The following XYLT1 variants were observed in gnomAD, a reference collection of about 807,000 sequenced individuals.
The protein encoded by XYLT1 is xylosyltransferase 1, also known as beta-D-xylosyltransferase 1.
A neutral mutation model predicts 91.3 loss-of-function variants in XYLT1; 36 were observed. The observed-to-expected ratio is 0.39, with a 90% confidence interval of 0.30 to 0.52. The LOEUF (loss-of-function observed/expected upper bound fraction) is 0.52, where lower values mean the gene tolerates loss of function less well. Among genes scored for constraint, XYLT1 ranks in the 20% least tolerant of loss-of-function variants. The probability of loss-of-function intolerance (pLI) is 0.68; values close to 1 mark genes in which losing one functional copy is unlikely to be tolerated. For missense variants in XYLT1, 1,242 were observed against 1,284.5 expected (o/e 0.97, Z 0.51); for synonymous variants, 588 against 532.0 (o/e 1.11, Z -1.45).
intron 3 of XYLT1, among the ~76,000 whole-genome samples, chr16:17,203,678 C>T (rs1440065187): frequency 6.6e-6 from 1 of 152,186 alleles, no homozygotes; most frequent in Non-Finnish European, 1.5e-5. Flanking sequence ...ATCCATACAT[C>T]CATTTATTCA....
At position 17,131,856 on chromosome 16, in the gene XYLT1, T is replaced by G. The variant is rs553642262; in HGVS notation, c.2027+2617A>C. Among the ~76,000 whole-genome samples, 11 of 152,336 alleles carry G rather than the reference T, an allele frequency of 7.2e-5. No individual in the cohort carries two copies. In the South Asian group the frequency reaches 1.9e-3, roughly 26 times the overall value. ...TAGGAATCCATTCTCTTCTGCCTTT[T>G]GGGATAAGGGTCTTTTGTCCTGATT... On this transcript the variant is annotated intron_variant, in intron 9 of 11. Coordinates refer to ENST00000261381, the MANE Select transcript of XYLT1 (RefSeq NM_022166.4).
intron 1 of XYLT1, among the ~76,000 whole-genome samples, chr16:17,455,282 T>C (rs1381996486): frequency 6.6e-6 from 1 of 152,160 alleles, no homozygotes; most frequent in Non-Finnish European, 1.5e-5. Flanking sequence ...TCTGCATTCT[T>C]TCTCATGCAT....
intron 2 of XYLT1, among the ~76,000 whole-genome samples, chr16:17,349,675 G>A (rs530884797): frequency 6.6e-6 from 1 of 150,792 alleles, no homozygotes; most frequent in Admixed American, 6.6e-5. Flanking sequence ...GGGGATGACA[G>A]TAATACTTCC....
intron 1 of XYLT1, among the ~76,000 whole-genome samples, chr16:17,371,097 G>A (rs2035526402): frequency 1.3e-5 from 2 of 152,200 alleles, no homozygotes; most frequent in African/African-American, 4.8e-5. Flanking sequence ...TAACGTGGCT[G>A]CAAAGTCCAA....
intron 3 of XYLT1, among the ~76,000 whole-genome samples, chr16:17,237,504 C>T (rs1351759422): frequency 6.6e-6 from 1 of 152,100 alleles, no homozygotes; most frequent in African/African-American, 2.4e-5. Context: ...TTTTTCAGAA[C>T]CTTTCTCATG....
intron 1 of XYLT1, among the ~76,000 whole-genome samples, chr16:17,379,952 C>T (rs2035658913): frequency 1.3e-5 from 2 of 152,242 alleles, no homozygotes; most frequent in South Asian, 2.1e-4. Flanking sequence ...GAAATATGCA[C>T]TTTTGTCTCC....
chr16:17,383,751 T>C (rs1355833520), intron 1 of XYLT1, among the ~76,000 whole-genome samples: 1 of 144,376 alleles, frequency 6.9e-6, no homozygotes. Context: ...AGTGGAATTT[T>C]CTTTTTTTTT....
intron 2 of XYLT1, among the ~76,000 whole-genome samples, chr16:17,287,528 A>C (rs1170290971): frequency 6.6e-6 from 1 of 152,150 alleles, no homozygotes; most frequent in Non-Finnish European, 1.5e-5. Flanking sequence ...GCCACTTCAC[A>C]CAGTGACCTT....
intron 6 of XYLT1, among the ~76,000 whole-genome samples, chr16:17,142,868 C>G (rs1471774488): frequency 6.6e-6 from 1 of 152,146 alleles, no homozygotes; most frequent in African/African-American, 2.4e-5. Flanking sequence ...ACTGCTAATA[C>G]TACTGTGATT....
intron 10 of XYLT1, among the ~76,000 whole-genome samples, chr16:17,119,549 GT>G (rs2029974633): frequency 6.6e-6 from 1 of 152,170 alleles, no homozygotes; most frequent in African/African-American, 2.4e-5. Context: ...GCTTCTCATT[GT>G]TCTTGCAAGA....
At chr16:17,252,853 C>T (rs2033563130) in intron 3 of XYLT1, among the ~76,000 whole-genome samples, 1 of 152,182 alleles carries the variant, frequency 6.6e-6, no homozygotes, top group African/African-American at 2.4e-5. Flanking sequence ...TAATTATATT[C>T]AACTTCCAGC....
At position 17,312,131 on chromosome 16, in the gene XYLT1, G is replaced by A. The variant is rs138386310; in HGVS notation, c.402+45881C>T. Among the ~76,000 whole-genome samples, 539 of 152,260 alleles carry A rather than the reference G, an allele frequency of 3.5e-3. 8 individuals are homozygous for A. The highest frequency in any genetic ancestry group is 3.2e-3 in the Non-Finnish European group (217 of 68,002). ...GCTGGAGGATGAAAAAGAGCTTGCC[G>A]ACAGACAAGAGGAAGAGGGGCGTTC... On this transcript the variant is annotated intron_variant, in intron 2 of 11. Transcript: ENST00000261381. This position sits in a 1 kb window ranked among gnomAD's most constrained non-coding sequence, Gnocchi z 4.4.
At chr16:17,266,314 A>C (rs1487129439) in intron 2 of XYLT1, among the ~76,000 whole-genome samples, 2 of 152,196 alleles carry the variant, frequency 1.3e-5, no homozygotes, top group African/African-American at 4.8e-5. Flanking sequence ...GACTGAATCG[A>C]TCAAGCATAG....
intron 1 of XYLT1, among the ~76,000 whole-genome samples, chr16:17,431,954 T>C (rs1387827558): frequency 2.6e-5 from 4 of 152,206 alleles, no homozygotes; most frequent in Non-Finnish European, 5.9e-5. Context: ...GAAACCGGTG[T>C]GGAGGCTTTT....
At chr16:17,165,050 A>T (rs1192634068) in intron 5 of XYLT1, among the ~76,000 whole-genome samples, 4 of 152,326 alleles carry the variant, frequency 2.6e-5, no homozygotes, top group African/African-American at 7.2e-5. Flanking sequence ...AATGTATAGA[A>T]AACAAGATAA....
intron 1 of XYLT1, among the ~76,000 whole-genome samples, chr16:17,437,522 C>T (rs896782477): frequency 2.4e-4 from 36 of 152,196 alleles, no homozygotes; most frequent in African/African-American, 8.2e-4. Context: ...ATGTCACCCA[C>T]ATCTGCTTGG....
At chr16:17,217,902 A>G (rs1057044443) in intron 3 of XYLT1, among the ~76,000 whole-genome samples, 12 of 151,844 alleles carry the variant, frequency 7.9e-5, no homozygotes, top group Non-Finnish European at 1.3e-4. Context: ...AGGAAGGAAG[A>G]CCATGTGTCA....
At chr16:17,422,059 C>T (rs115826210) in intron 1 of XYLT1, among the ~76,000 whole-genome samples, 11,515 of 150,462 alleles carry the variant, frequency 0.077, 486 homozygotes, top group Middle Eastern at 0.12. Flanking sequence ...CTCCACTCAC[C>T]GGAAGCTCTG....
chr16:17,140,374 G>A lies in XYLT1; in HGVS notation c.1587+779C>T, dbSNP rs148348970. On this transcript the variant is annotated intron_variant, in intron 7 of 11. Transcript: ENST00000261381. ...TGTGAAGGATGCGTCAAAAGTTGAT[G>A]TGGCGGCCGGGCATGGTGGCTCATG... 3.8e-4 allele frequency among the ~76,000 whole-genome samples: 58 copies of A among 152,248 alleles called. 1 individual carries two copies. The highest frequency in any genetic ancestry group is 3.4e-3 in the Middle Eastern group (1 of 294).
Sources: allele counts gnomAD v4.1 joint callset (sites outside exome capture counted in the v4.1 genomes callset), GRCh38; gene constraint gnomAD v4.1.1; non-coding constraint Gnocchi (gnomAD v3.1); transcripts MANE v1.5; gene names NCBI Gene and HGNC (gene_info 2026-07-23, HGNC 2026-07-21).